Variants in BLM observed in about 807,000 individuals in gnomAD.
BLM encodes BLM RecQ like helicase.
In BLM, 95 loss-of-function variants were observed where a neutral mutation model predicts 135.3. That is an observed-to-expected ratio of 0.70 (90% CI 0.59 to 0.83). The LOEUF (loss-of-function observed/expected upper bound fraction) is 0.83. Ranked by LOEUF, BLM falls within the 40% of genes least tolerant of loss-of-function variation. The pLI, the probability that BLM is intolerant of heterozygous loss-of-function variation, is 0.00. For missense variants in BLM, 1,518 were observed against 1,663.9 expected (o/e 0.91, Z 1.53); for synonymous variants, 520 against 589.2 (o/e 0.88, Z 1.70).
chr15:90,810,897 A>G lies in BLM; in HGVS notation c.3875-308A>G, dbSNP rs1252556815. ...CCTACCAGAACTAACTGCCCAATCAACAACAGGAACACAGGCCATATGCGA... is the reference window on the plus strand; with the variant it reads ...CCTACCAGAACTAACTGCCCAATCAGCAACAGGAACACAGGCCATATGCGA... On this transcript the variant is annotated intron_variant, in intron 20 of 21. Transcript: ENST00000355112. 2.6e-5 allele frequency among the ~76,000 whole-genome samples: 4 copies of G among 152,346 alleles called. No homozygotes were observed. In the East Asian group the frequency reaches 7.7e-4, roughly 29 times the overall value.
intron 7 of BLM, 82 bp downstream of exon 7, chr15:90,761,337 T>G: frequency 9.4e-7 from 1 of 1,065,632 alleles, no homozygotes; most frequent in Non-Finnish European, 1.3e-6. Flanking sequence ...CCATAGCAAA[T>G]CATCATTGCC....
chr15:90,733,405 A>G (rs913354454), intron 1 of BLM, among the ~76,000 whole-genome samples: 2 of 152,252 alleles, frequency 1.3e-5, no homozygotes, highest in African/African-American at 4.8e-5. Flanking sequence ...CTGAAAAATA[A>G]AAAACATGAG....
At chr15:90,734,488 A>G (rs145164618) in intron 1 of BLM, among the ~76,000 whole-genome samples, 5,583 of 152,012 alleles carry the variant, frequency 0.037, 376 homozygotes, top group African/African-American at 0.12. Context: ...CGGTTTCACC[A>G]TCTTGGCCAG....
At chr15:90,777,535 AT>A (rs2151173915) in intron 12 of BLM, among the ~76,000 whole-genome samples, 1 of 152,184 alleles carries the variant, frequency 6.6e-6, no homozygotes, top group South Asian at 2.1e-4. Flanking sequence ...CTGAGCTCTA[AT>A]TGACTTTGTT....
chr15:90,815,411 T>TG lies in BLM; in HGVS notation c.*138dup, dbSNP rs542333840. 3.7e-4 allele frequency: 358 copies of TG among 968,888 alleles called. 1 individual carries two copies. In the East Asian group the frequency reaches 9.0e-3, roughly 24 times the overall value. The allele number at this position is 968,888 out of a possible 1,614,324, so 60.0% of individuals were successfully genotyped here. On this transcript the variant is annotated 3_prime_UTR_variant, in exon 22 of 22. Transcript: ENST00000355112. The surrounding 1 kb of genome is among the most constrained non-coding windows in gnomAD (Gnocchi z 4.6). The stretch of plus-strand genomic sequence containing the variant: ...TCTCTATTAATATTTAAATAAATGC[T>TG]GGGGGGTGATAGTTCTTCTTTTTAA...
chr15:90,781,111 G>A (rs1896606692), intron 12 of BLM, among the ~76,000 whole-genome samples: 1 of 152,150 alleles, frequency 6.6e-6, no homozygotes, highest in African/African-American at 2.4e-5. Context: ...GAGGAAATGG[G>A]GCAAGAATAG....
At chr15:90,797,563 T>G (rs1253842378) in intron 16 of BLM, among the ~76,000 whole-genome samples, 2 of 152,052 alleles carry the variant, frequency 1.3e-5, no homozygotes, top group East Asian at 1.9e-4. Flanking sequence ...GTTATTGGTG[T>G]GTGCAAATGA....
rs1260166264 is a variant in BLM at position 90,804,305 on chromosome 15, T to A, written c.3697T>A (p.Phe1233Ile). ...AGTCTGCAAATCTCTGGGGAAAGTT[T>A]TTGGTGTCCATTACTTCAATATTTT... ...TEVCKSLGKVFGVHYFNIFNT... is the reference protein window; with the variant it reads ...TEVCKSLGKVIGVHYFNIFNT... Residue 1233 changes from phenylalanine (F) to isoleucine (I), a missense_variant, in exon 19 of 22, where the codon TTT becomes ATT. By Grantham distance (21) the Phe-to-Ile change is conservative. Coordinates refer to ENST00000355112, the MANE Select transcript of BLM (RefSeq NM_000057.4). 6.2e-7 allele frequency: 1 copy of A among 1,614,182 alleles called. No individual in the cohort carries two copies. Among genetic ancestry groups the A allele is most frequent in the Admixed American group, 1.7e-5 (1 of 60,014 alleles).
intron 15 of BLM, among the ~76,000 whole-genome samples, chr15:90,791,073 C>T (rs1205471290): frequency 2.0e-5 from 3 of 152,168 alleles, no homozygotes; most frequent in African/African-American, 7.2e-5. Context: ...AGAAAATTTA[C>T]AAACCATGCC....
intron 1 of BLM, among the ~76,000 whole-genome samples, chr15:90,746,846 G>A (rs1895514485): frequency 6.6e-6 from 1 of 152,158 alleles, no homozygotes; most frequent in Non-Finnish European, 1.5e-5. Context: ...CTTGGTAAAC[G>A]TATTCTTTCA....
intron 8 of BLM, among the ~76,000 whole-genome samples, chr15:90,764,337 G>A (rs1896065566): frequency 6.7e-6 from 1 of 150,176 alleles, no homozygotes; most frequent in African/African-American, 2.4e-5. Context: ...TCCAAATAAG[G>A]TTTATTTTAT....
At chr15:90,791,548 C>G (rs1416890753) in intron 15 of BLM, among the ~76,000 whole-genome samples, 2 of 151,956 alleles carry the variant, frequency 1.3e-5, no homozygotes, top group Non-Finnish European at 2.9e-5. Context: ...CTTACTAGAT[C>G]TTGTTTATTG....
chr15:90,717,828 C>T (rs773764822), intron 1 of BLM, among the ~76,000 whole-genome samples: 1 of 152,224 alleles, frequency 6.6e-6, no homozygotes, highest in East Asian at 1.9e-4. Flanking sequence ...ACACTTTGTA[C>T]TTTTTCTGTG....
At chr15:90,731,781 A>G (rs945006443) in intron 1 of BLM, among the ~76,000 whole-genome samples, 3 of 151,900 alleles carry the variant, frequency 2.0e-5, no homozygotes, top group African/African-American at 2.4e-5. Flanking sequence ...CCTCTCTATT[A>G]TATATCTATT....
intron 16 of BLM, 56 bp downstream of exon 16, chr15:90,794,413 A>G: frequency 1.5e-6 from 2 of 1,355,340 alleles, no homozygotes; most frequent in Non-Finnish European, 2.0e-6. Context: ...TCTTACTTTA[A>G]AAATGTAGAT....
At chr15:90,718,023 T>C (rs1355489369) in intron 1 of BLM, among the ~76,000 whole-genome samples, 2 of 152,228 alleles carry the variant, frequency 1.3e-5, no homozygotes, top group Non-Finnish European at 2.9e-5. Context: ...CTGTGTCTAC[T>C]GCACGTTACT....
Position 90,794,364 on chromosome 15 carries a change from A to G in BLM, c.3210+7A>G. The G allele has an allele frequency of 6.4e-7, 1 of 1,561,948 alleles. No homozygotes were observed. Among genetic ancestry groups the G allele is most frequent in the Non-Finnish European group, 8.6e-7 (1 of 1,156,468 alleles). The stretch of plus-strand genomic sequence containing the variant: ...TAATTGCTGTAAAACAAAGGTAAAA[A>G]AAGAAGTTTTAAAATTCTTTATAAT... On this transcript the variant is annotated splice_region_variant and intron_variant, in intron 16 of 21. Transcript: ENST00000355112.
chr15:90,761,238 C>A lies in BLM; in HGVS notation c.1865C>A (p.Ser622Ter). Residue 622 changes from serine to a stop codon, truncating the protein, a stop_gained, in exon 7 of 22, where the codon TCA (serine) becomes TAA (stop). Coordinates refer to ENST00000355112, the MANE Select transcript of BLM (RefSeq NM_000057.4). LOFTEE classifies it high-confidence loss of function. The part of the protein sequence containing the change: ...STAQNINFSE[S>*]IQNYTDKSAQ... ...GCTCAAAATATAAACTTCTCAGAGTCAATTCAGAATTATACTGGTAAGTTT... is the reference window on the plus strand; with the variant it reads ...GCTCAAAATATAAACTTCTCAGAGTAAATTCAGAATTATACTGGTAAGTTT... The A allele has an allele frequency of 1.3e-6, 2 of 1,534,872 alleles. No homozygotes were observed. The highest frequency in any genetic ancestry group is 2.3e-5 in the Admixed American group (1 of 44,018).
chr15:90,812,700 C>T (rs1434780265), intron 21 of BLM, among the ~76,000 whole-genome samples: 6 of 152,166 alleles, frequency 3.9e-5, no homozygotes, highest in Admixed American at 3.9e-4. Flanking sequence ...AGTTTTTCTA[C>T]CTCTTGTCCT....
Sources: gnomAD v4.1 joint callset for allele counts (sites outside exome capture counted in the v4.1 genomes callset) on GRCh38, gnomAD v4.1.1 for gene constraint, Gnocchi (gnomAD v3.1) non-coding constraint, MANE v1.5 for transcripts, NCBI Gene and HGNC (gene_info 2026-07-23, HGNC 2026-07-21) for gene names.